Variants in ROBO2 observed in about 807,000 individuals in gnomAD.
ROBO2 encodes the protein roundabout guidance receptor 2.
In ROBO2, 53 loss-of-function variants were observed where a neutral mutation model predicts 160.8. The ratio of observed to expected loss-of-function variants is 0.33; its 90% CI spans 0.26 to 0.41. The LOEUF (loss-of-function observed/expected upper bound fraction) is 0.41. Ranked by LOEUF, ROBO2 falls within the 10% of genes least tolerant of loss-of-function variation. The probability of loss-of-function intolerance (pLI) is 1.00; values close to 1 mark genes in which losing one functional copy is unlikely to be tolerated. For synonymous variants in ROBO2, 664 were observed against 611.7 expected, an observed-to-expected ratio of 1.09 and a Z score of -1.26; for missense variants, 1,577 against 1,722.4, an observed-to-expected ratio of 0.92 and a Z score of 1.49.
At chr3:77,112,113 G>T (rs1334352923) in intron 2 of ROBO2, among the ~76,000 whole-genome samples, 2 of 149,406 alleles carry the variant, frequency 1.3e-5, no homozygotes, top group Non-Finnish European at 3.0e-5. Flanking sequence ...GTCGGGAAGA[G>T]CCCAGGAGGC....
chr3:77,599,597 T>C (rs1413352891), intron 19 of ROBO2, among the ~76,000 whole-genome samples: 7 of 151,754 alleles, frequency 4.6e-5, no homozygotes. Flanking sequence ...TGTATACATA[T>C]GTAACTAACC....
intron 2 of ROBO2, among the ~76,000 whole-genome samples, chr3:76,494,580 G>C (rs928872133): frequency 3.3e-5 from 5 of 152,144 alleles, no homozygotes; most frequent in Non-Finnish European, 4.4e-5. Context: ...GGTATAGGGA[G>C]GAGATCTTCC....
intron 2 of ROBO2, among the ~76,000 whole-genome samples, chr3:76,894,185 A>C (rs1366121293): frequency 6.6e-6 from 1 of 152,124 alleles, no homozygotes; most frequent in African/African-American, 2.4e-5. Context: ...CAATACTTGC[A>C]TTACAACTTG....
chr3:77,081,817 A>G (rs2068695794), intron 1 of ROBO2, among the ~76,000 whole-genome samples: 1 of 152,164 alleles, frequency 6.6e-6, no homozygotes, highest in African/African-American at 2.4e-5. Context: ...ATTCAGGCTG[A>G]CCTGGAATTC....
chr3:76,750,008 A>T (rs2093956168), intron 2 of ROBO2, among the ~76,000 whole-genome samples: 2 of 152,162 alleles, frequency 1.3e-5, no homozygotes, highest in African/African-American at 4.8e-5. Context: ...AGAGAATTTT[A>T]GACCAATATC....
chr3:77,182,827 A>T (rs968436186), intron 2 of ROBO2, among the ~76,000 whole-genome samples: 4 of 152,082 alleles, frequency 2.6e-5, no homozygotes, highest in African/African-American at 9.7e-5. Flanking sequence ...AACTAGGTGG[A>T]TAAATGGTAT....
intron 2 of ROBO2, among the ~76,000 whole-genome samples, chr3:76,113,537 A>T (rs1335930448): frequency 6.6e-6 from 1 of 152,114 alleles, no homozygotes; most frequent in Non-Finnish European, 1.5e-5. Flanking sequence ...ATTATGTCAT[A>T]CAATCGAACT....
intron 2 of ROBO2, among the ~76,000 whole-genome samples, chr3:76,932,661 A>C (rs182539662): frequency 6.6e-6 from 1 of 152,270 alleles, no homozygotes; most frequent in East Asian, 1.9e-4. Context: ...TCATGATGTT[A>C]TTTTTGCTTA....
chr3:77,227,728 G>A (rs1008872560), intron 2 of ROBO2, among the ~76,000 whole-genome samples: 1 of 152,202 alleles, frequency 6.6e-6, no homozygotes, highest in Non-Finnish European at 1.5e-5. Context: ...GGGAATTGGG[G>A]TGGACAAAGG....
intron 6 of ROBO2, among the ~76,000 whole-genome samples, chr3:77,531,222 T>G (rs1251569697): frequency 6.6e-6 from 1 of 152,080 alleles, no homozygotes; most frequent in African/African-American, 2.4e-5. Flanking sequence ...TGATGGAAAC[T>G]TCTAAGTATT....
intron 2 of ROBO2, among the ~76,000 whole-genome samples, chr3:76,328,528 C>G (rs930976458): frequency 2.6e-5 from 4 of 152,184 alleles, no homozygotes; most frequent in African/African-American, 7.2e-5. Context: ...AGATCGAGAC[C>G]ATCCTGGCTA....
intron 2 of ROBO2, among the ~76,000 whole-genome samples, chr3:76,576,033 A>C (rs1053836666): frequency 6.6e-6 from 1 of 152,064 alleles, no homozygotes; most frequent in Non-Finnish European, 1.5e-5. Flanking sequence ...GCATAAACAT[A>C]TATTTAGGGG....
intron 2 of ROBO2, among the ~76,000 whole-genome samples, chr3:77,188,879 G>A (rs1300890749): frequency 6.6e-6 from 1 of 151,440 alleles, no homozygotes; most frequent in Non-Finnish European, 1.5e-5. Flanking sequence ...ACAATGCTTG[G>A]TAGGAAATGA....
intron 2 of ROBO2, among the ~76,000 whole-genome samples, chr3:77,378,878 T>G (rs1297540772): frequency 6.6e-6 from 1 of 152,138 alleles, no homozygotes; most frequent in African/African-American, 2.4e-5. Flanking sequence ...TCCCTGGCCA[T>G]GCTTTCCCCA....
At chr3:75,959,296 T>G (rs1275189021) in intron 2 of ROBO2, among the ~76,000 whole-genome samples, 1 of 151,734 alleles carries the variant, frequency 6.6e-6, no homozygotes, top group Admixed American at 6.6e-5. Flanking sequence ...TCTTTACAAT[T>G]AATATATTTT....
chr3:77,029,588 A>G (rs2063185346), intron 2 of ROBO2, among the ~76,000 whole-genome samples: 1 of 152,196 alleles, frequency 6.6e-6, no homozygotes, highest in South Asian at 2.1e-4. Flanking sequence ...TTTTATAATT[A>G]ACATAAATAA....
chr3:77,411,857 C>T (rs1019583920), intron 2 of ROBO2, among the ~76,000 whole-genome samples: 3 of 152,108 alleles, frequency 2.0e-5, no homozygotes, highest in Admixed American at 6.6e-5. Context: ...GTTTTTATAT[C>T]GTTAAGACAT....
At chr3:76,772,430 G>A (rs946146241) in intron 2 of ROBO2, among the ~76,000 whole-genome samples, 1 of 147,220 alleles carries the variant, frequency 6.8e-6, no homozygotes, top group African/African-American at 2.5e-5. Context: ...ACACATATAT[G>A]TATGTTTTAA....
intron 2 of ROBO2, among the ~76,000 whole-genome samples, chr3:77,249,515 T>C (rs2153286718): frequency 6.6e-6 from 1 of 152,330 alleles, no homozygotes; most frequent in East Asian, 1.9e-4. Flanking sequence ...GGTCCTTAGC[T>C]ATAGCAGCCA....
Sources: allele counts gnomAD v4.1 joint callset (sites outside exome capture counted in the v4.1 genomes callset), GRCh38; gene constraint gnomAD v4.1.1; transcripts MANE v1.5; gene names NCBI Gene and HGNC (gene_info 2026-07-23, HGNC 2026-07-21).